The following CPED1 variants were observed in gnomAD, a reference collection of about 807,000 sequenced individuals.
The protein encoded by CPED1 is cadherin-like and PC-esterase domain-containing protein 1.
Under a neutral mutation model 128.2 loss-of-function variants are expected in CPED1, and 114 were observed. The ratio of observed to expected loss-of-function variants is 0.89; its 90% CI spans 0.76 to 1.04. The LOEUF is 1.04. Ranked by LOEUF, CPED1 falls within the 50% of genes least tolerant of loss-of-function variation. CPED1 has a pLI of 0.00. For missense variants in CPED1, 1,211 were observed against 1,207.1 expected (o/e 1.00, Z -0.05); for synonymous variants, 462 against 426.7 (o/e 1.08, Z -1.02).
chr7:121,296,612 A>G lies in CPED1; in HGVS notation c.*960A>G, dbSNP rs1792828371. 1 of 152,160 alleles carries G rather than the reference A, an allele frequency of 6.6e-6. No individual in the cohort carries two copies. The highest frequency in any genetic ancestry group is 1.9e-4 in the East Asian group (1 of 5,204). The allele number at this position is 152,160 out of a possible 1,614,324, so 9.4% of individuals were successfully genotyped here. On this transcript the variant is annotated 3_prime_UTR_variant, in exon 23 of 23. Coordinates refer to ENST00000310396, the MANE Select transcript of CPED1 (RefSeq NM_024913.5). Reference sequence around the variant, plus strand: ...TGTCCACAAATAGTATTATGTTACTAGTATCTATATTTTGATTTTCCTGAG... The same window carrying G: ...TGTCCACAAATAGTATTATGTTACTGGTATCTATATTTTGATTTTCCTGAG...
chr7:121,061,432 G>A (rs1279474769), intron 4 of CPED1, among the ~76,000 whole-genome samples: 1 of 152,142 alleles, frequency 6.6e-6, no homozygotes, highest in Non-Finnish European at 1.5e-5. Flanking sequence ...CACAAGATCT[G>A]TATATATTAA....
intron 7 of CPED1, among the ~76,000 whole-genome samples, chr7:121,115,253 T>A (rs1795208352): frequency 6.6e-6 from 1 of 152,190 alleles, no homozygotes; most frequent in South Asian, 2.1e-4. Flanking sequence ...TAATTAAGCA[T>A]AATTGAAAAT....
intron 3 of CPED1, among the ~76,000 whole-genome samples, chr7:121,031,083 G>A (rs555445793): frequency 6.6e-6 from 1 of 152,292 alleles, no homozygotes; most frequent in African/African-American, 2.4e-5. Flanking sequence ...TTTCCTGCAA[G>A]TGTATAGAAA....
chr7:121,171,008 C>T (rs1796639124), intron 16 of CPED1, among the ~76,000 whole-genome samples: 1 of 151,854 alleles, frequency 6.6e-6, no homozygotes, highest in Non-Finnish European at 1.5e-5. Flanking sequence ...CAAGATCGAG[C>T]CACTGCACTC....
chr7:121,119,609 A>G (rs1180456067), intron 7 of CPED1, among the ~76,000 whole-genome samples: 2 of 150,952 alleles, frequency 1.3e-5, no homozygotes, highest in South Asian at 2.1e-4. Context: ...GCGGATCACG[A>G]GGTCAGGAGA....
chr7:121,057,010 C>G (rs7794369), intron 4 of CPED1, among the ~76,000 whole-genome samples: 99,734 of 151,624 alleles, frequency 0.66, 35,492 homozygotes, highest in Admixed American at 0.8. Context: ...TGGAGTCTCA[C>G]TCTGCTGCCT....
chr7:121,222,028 A>G (rs1410285532), intron 16 of CPED1, among the ~76,000 whole-genome samples: 1 of 151,954 alleles, frequency 6.6e-6, no homozygotes, highest in African/African-American at 2.4e-5. Flanking sequence ...GAAGTCCTTG[A>G]CCATGCTTAT....
chr7:121,053,222 A>T (rs1793403513), intron 4 of CPED1, among the ~76,000 whole-genome samples: 1 of 152,220 alleles, frequency 6.6e-6, no homozygotes, highest in African/African-American at 2.4e-5. Context: ...TTTTAAAAAA[A>T]ATGTTTGCCC....
chr7:121,169,750 C>A (rs547539171), intron 16 of CPED1, among the ~76,000 whole-genome samples: 1 of 152,274 alleles, frequency 6.6e-6, no homozygotes, highest in Non-Finnish European at 1.5e-5. Flanking sequence ...TAAAGTGATT[C>A]TTTTCACTCT....
chr7:121,210,593 G>A (rs142070194), intron 16 of CPED1, among the ~76,000 whole-genome samples: 326 of 152,018 alleles, frequency 2.1e-3, no homozygotes, highest in Middle Eastern at 0.014. Flanking sequence ...TCATTTGCAG[G>A]AGCTAAAAAT....
chr7:121,281,320 T>G lies in CPED1; in HGVS notation c.2868+9890T>G, dbSNP rs547050969. Among the ~76,000 whole-genome samples the G allele has an allele frequency of 3.9e-5, 6 of 152,324 alleles. No homozygotes were observed. In the South Asian group the frequency reaches 1.2e-3, roughly 32 times the overall value. Reference sequence around the variant, plus strand: ...GATGATGGTTTATGTGAAATCAATTTTGAGTGTTGAAATTACCTACATTTA... The same window carrying G: ...GATGATGGTTTATGTGAAATCAATTGTGAGTGTTGAAATTACCTACATTTA... On this transcript the variant is annotated intron_variant, in intron 22 of 22. Transcript: ENST00000310396.
At chr7:121,131,239 TC>T (rs1795657894) in intron 12 of CPED1, among the ~76,000 whole-genome samples, 1 of 152,110 alleles carries the variant, frequency 6.6e-6, no homozygotes, top group Non-Finnish European at 1.5e-5. Flanking sequence ...TTTGAAGAAT[TC>T]TTAGGACATA....
chr7:121,281,349 G>A (rs918753097), intron 22 of CPED1, among the ~76,000 whole-genome samples: 21 of 152,152 alleles, frequency 1.4e-4, no homozygotes, highest in African/African-American at 5.1e-4. Flanking sequence ...ACATTTAATA[G>A]TGAAAGTTGC....
At chr7:121,226,756 G>A (rs1017278551) in intron 16 of CPED1, among the ~76,000 whole-genome samples, 1 of 152,014 alleles carries the variant, frequency 6.6e-6, no homozygotes, top group Admixed American at 6.6e-5. Flanking sequence ...GGATAAATGT[G>A]ATATCTCAAG....
chr7:121,032,027 T>C (rs1792746750), intron 3 of CPED1, among the ~76,000 whole-genome samples: 1 of 152,194 alleles, frequency 6.6e-6, no homozygotes, highest in Non-Finnish European at 1.5e-5. Flanking sequence ...AAAACTCTCA[T>C]ACATTGCTTG....
intron 4 of CPED1, among the ~76,000 whole-genome samples, chr7:121,060,554 T>G: frequency 6.6e-6 from 1 of 152,204 alleles, no homozygotes; most frequent in East Asian, 1.9e-4. Context: ...CCACTCTGTA[T>G]CTAGCTATTC....
At chr7:121,077,199 TTCTC>T (rs1238079465) in intron 5 of CPED1, among the ~76,000 whole-genome samples, 3 of 152,146 alleles carry the variant, frequency 2.0e-5, no homozygotes, top group Non-Finnish European at 4.4e-5. Context: ...TTTTTTGTGA[TTCTC>T]TCTATTTATC....
chr7:121,132,490 T>A (rs1422730631), intron 12 of CPED1, among the ~76,000 whole-genome samples: 2 of 151,980 alleles, frequency 1.3e-5, no homozygotes, highest in East Asian at 1.9e-4. Context: ...AGCAACGAGG[T>A]GAGAAAGTCA....
At position 121,151,017 on chromosome 7, in the gene CPED1, C is replaced by T. The variant is rs528365944; in HGVS notation, c.2055+8876C>T. 4.5e-3 allele frequency among the ~76,000 whole-genome samples: 678 copies of T among 152,234 alleles called. 3 individuals are homozygous for T. The highest frequency in any genetic ancestry group is 0.016 in the African/African-American group (645 of 41,546). On this transcript the variant is annotated intron_variant, in intron 16 of 22. Coordinates refer to ENST00000310396, the MANE Select transcript of CPED1 (RefSeq NM_024913.5). ...TCCTGACCTTGTGATCTGCCCACCT[C>T]GGCCTCCCAAAGTGCTGGGATTACA...
Sources: allele counts gnomAD v4.1 joint callset (sites outside exome capture counted in the v4.1 genomes callset), GRCh38; gene constraint gnomAD v4.1.1; transcripts MANE v1.5; gene names NCBI Gene and HGNC (gene_info 2026-07-23, HGNC 2026-07-21).